SCARA5: variants seen among roughly 807,000 people sequenced by gnomAD.
SCARA5 encodes scavenger receptor class A, member 5 (putative).
SCARA5 carries 45 observed loss-of-function variants against 46.3 expected under a neutral mutation model. The ratio of observed to expected loss-of-function variants is 0.97; its 90% CI spans 0.76 to 1.24. The LOEUF (loss-of-function observed/expected upper bound fraction) is 1.24. Among genes scored for constraint, SCARA5 ranks in the 50% most tolerant of loss-of-function variants. The pLI is 0.00. For synonymous variants in SCARA5, 333 were observed against 306.5 expected, an observed-to-expected ratio of 1.09 and a Z score of -0.90; for missense variants, 680 against 689.0, an observed-to-expected ratio of 0.99 and a Z score of 0.15.
chr8:27,980,142 C>A (rs1338520615), intron 2 of SCARA5, among the ~76,000 whole-genome samples: 1 of 152,192 alleles, frequency 6.6e-6, no homozygotes, highest in Admixed American at 6.5e-5. Flanking sequence ...TATTTCACAC[C>A]TCTTTGTGCC....
chr8:27,892,645 T>G (rs1285554526), intron 7 of SCARA5, among the ~76,000 whole-genome samples: 1 of 144,076 alleles, frequency 6.9e-6, no homozygotes, highest in Non-Finnish European at 1.5e-5. Flanking sequence ...AGTCAAGCTC[T>G]GTTGCCCAGG....
chr8:27,908,610 G>A (rs1165109335), intron 5 of SCARA5, among the ~76,000 whole-genome samples: 1 of 152,210 alleles, frequency 6.6e-6, no homozygotes, highest in Non-Finnish European at 1.5e-5. Context: ...CTCGGAGAGA[G>A]CTGATTGGGT....
intron 2 of SCARA5, among the ~76,000 whole-genome samples, chr8:27,984,915 TCATCCATTCACCCATTCATC>T (rs1345893762): frequency 1.3e-5 from 2 of 151,766 alleles, no homozygotes; most frequent in Admixed American, 6.6e-5. Flanking sequence ...ATTTATTCAT[TCATCCATTCACCCATTCATC>T]CATCCATTCA....
intron 7 of SCARA5, among the ~76,000 whole-genome samples, chr8:27,902,892 G>A (rs145972234): frequency 6.6e-6 from 1 of 152,342 alleles, no homozygotes; most frequent in African/African-American, 2.4e-5. Flanking sequence ...GAAGCTCGCA[G>A]ATGGCCTTGT....
At chr8:27,896,772 T>G (rs1020990702) in intron 7 of SCARA5, among the ~76,000 whole-genome samples, 1 of 152,030 alleles carries the variant, frequency 6.6e-6, no homozygotes, top group Non-Finnish European at 1.5e-5. Flanking sequence ...CTTTCTTCCA[T>G]CTGAATTCAA....
In SCARA5 at chr8:27,966,323, T is replaced by A. The variant is rs868105219; in HGVS notation, c.241+91A>T. The A allele has an allele frequency of 3.7e-6, 5 of 1,336,966 alleles. No homozygotes were observed. In the African/African-American group the frequency reaches 5.9e-5, roughly 16 times the overall value. The allele number at this position is 1,336,966 out of a possible 1,614,324, so 82.8% of individuals were successfully genotyped here. A position where few individuals can be genotyped will look rare whatever the true frequency, so the allele number is the denominator to read the frequency against. On this transcript the variant is annotated intron_variant, in intron 3 of 8. Coordinates refer to ENST00000354914, the MANE Select transcript of SCARA5 (RefSeq NM_173833.6). The stretch of plus-strand genomic sequence containing the variant: ...GGTTTCCATGGTGACAAGGGCAGTG[T>A]TTGGGCTCATGACAGTGGGAATGAA...
intron 4 of SCARA5, among the ~76,000 whole-genome samples, chr8:27,914,320 G>A (rs773100356): frequency 6.6e-6 from 1 of 152,172 alleles, no homozygotes; most frequent in Non-Finnish European, 1.5e-5. Flanking sequence ...GAGAACAGAC[G>A]AATACACCCA....
chr8:27,958,199 C>T (rs1157447885), intron 3 of SCARA5, among the ~76,000 whole-genome samples: 1 of 152,214 alleles, frequency 6.6e-6, no homozygotes, highest in African/African-American at 2.4e-5. Context: ...TCTCTGCCCC[C>T]AACTTCTACC....
At chr8:27,921,056 T>C (rs1363435347) in intron 4 of SCARA5, among the ~76,000 whole-genome samples, 1 of 152,216 alleles carries the variant, frequency 6.6e-6, no homozygotes. Context: ...AGCTGATCGT[T>C]CAATGAAATA....
At chr8:27,895,548 G>T (rs1807050337) in intron 7 of SCARA5, among the ~76,000 whole-genome samples, 1 of 152,192 alleles carries the variant, frequency 6.6e-6, no homozygotes, top group Non-Finnish European at 1.5e-5. Context: ...GTTCTCATGG[G>T]GTCTTTGCTG....
chr8:27,899,522 C>T (rs769565671), intron 7 of SCARA5, among the ~76,000 whole-genome samples: 5 of 152,194 alleles, frequency 3.3e-5, no homozygotes, highest in Non-Finnish European at 5.9e-5. Flanking sequence ...TGGCCTTTCC[C>T]GAGAGGAAGG....
At position 27,914,449 on chromosome 8, in the gene SCARA5, C is replaced by T. The variant is rs553888254; in HGVS notation, c.917-4706G>A. Among the ~76,000 whole-genome samples, 27 of 152,346 alleles carry T rather than the reference C, an allele frequency of 1.8e-4. No homozygotes were observed. In the South Asian group the frequency reaches 5.4e-3, roughly 30 times the overall value. On this transcript the variant is annotated intron_variant, in intron 4 of 8. Coordinates refer to ENST00000354914, the MANE Select transcript of SCARA5 (RefSeq NM_173833.6). ...AGCACCCGGAGCCTGGTCAGGTGAC[C>T]TCTGCCCACTCCCTGGGCACTATCC... is the stretch of plus-strand genomic sequence containing the variant.
intron 1 of SCARA5, among the ~76,000 whole-genome samples, chr8:27,989,565 C>G (rs1808756692): frequency 6.6e-6 from 1 of 152,204 alleles, no homozygotes; most frequent in South Asian, 2.1e-4. Context: ...TGCTGTTAGC[C>G]CTTCTGTACA....
intron 6 of SCARA5, among the ~76,000 whole-genome samples, chr8:27,906,557 T>C (rs1807265201): frequency 6.6e-6 from 1 of 152,236 alleles, no homozygotes; most frequent in Non-Finnish European, 1.5e-5. Context: ...TTGTTGGCTT[T>C]CTCTGGTTAC....
rs1241119460 is a variant in SCARA5 at position 27,907,174 on chromosome 8, C to T, written c.1070G>A (p.Gly357Glu). Residue 357 changes from glycine to glutamate, a missense_variant, in exon 6 of 9, where the codon GGA becomes GAA. By Grantham distance (98) the Gly-to-Glu change is moderately conservative. Around this residue, in one of 3 missense-constraint regions of SCARA5, gnomAD observed 219 missense variants for 269.5 expected, o/e 0.81. Coordinates refer to ENST00000354914, the MANE Select transcript of SCARA5 (RefSeq NM_173833.6). ...KGDDGKLGAT[G>E]PMGMRGFKGD... The stretch of plus-strand genomic sequence containing the variant: ...TTTGAACCCACGCATGCCCATTGGT[C>T]CTGTGGCCCCCAGCTTCCCATCATC... The T allele has an allele frequency of 6.2e-7, 1 of 1,613,766 alleles. No homozygotes were observed.
chr8:27,875,968 T>A (rs1054863185), intron 8 of SCARA5, among the ~76,000 whole-genome samples: 57 of 152,172 alleles, frequency 3.7e-4, no homozygotes, highest in Admixed American at 1.4e-3. Flanking sequence ...ACCACTGCAC[T>A]CCATGGGTGA....
chr8:27,934,084 G>A (rs1490598985), intron 3 of SCARA5, among the ~76,000 whole-genome samples: 4 of 152,186 alleles, frequency 2.6e-5, no homozygotes, highest in Non-Finnish European at 4.4e-5. Context: ...TCTGGGAAAG[G>A]GCAGCTGATT....
At chr8:27,951,678 A>G (rs910565615) in intron 3 of SCARA5, among the ~76,000 whole-genome samples, 3 of 152,194 alleles carry the variant, frequency 2.0e-5, no homozygotes, top group Admixed American at 1.3e-4. Flanking sequence ...CACGCCAGGG[A>G]ATGTGCCTCC....
At chr8:27,922,949 A>G (rs1465847333) in intron 3 of SCARA5, among the ~76,000 whole-genome samples, 2 of 152,194 alleles carry the variant, frequency 1.3e-5, no homozygotes, top group East Asian at 3.8e-4. Flanking sequence ...CCAGACATGA[A>G]TCTGCTGGCA....
Sources: allele counts gnomAD v4.1 joint callset (sites outside exome capture counted in the v4.1 genomes callset), GRCh38; gene constraint gnomAD v4.1.1; regional missense constraint gnomAD v4.1.1; transcripts MANE v1.5; gene names NCBI Gene and HGNC (gene_info 2026-07-23, HGNC 2026-07-21).